DDX10: variants seen among roughly 807,000 people sequenced by gnomAD.
DDX10 encodes the protein probable ATP-dependent RNA helicase DDX10.
Under a neutral mutation model 104.3 loss-of-function variants are expected in DDX10, and 74 were observed. The ratio of observed to expected loss-of-function variants is 0.71; its 90% CI spans 0.59 to 0.86. The LOEUF (loss-of-function observed/expected upper bound fraction) is 0.86, where lower values mean the gene tolerates loss of function less well. Among genes scored for constraint, DDX10 ranks in the 40% least tolerant of loss-of-function variants. DDX10 has a pLI of 0.00. For synonymous variants in DDX10, 351 were observed against 353.4 expected (o/e 0.99, Z 0.08); for missense variants, 952 against 1,040.0 (o/e 0.92, Z 1.16).
chr11:108,765,453 G>C (rs2094355353), intron 13 of DDX10, among the ~76,000 whole-genome samples: 1 of 152,178 alleles, frequency 6.6e-6, no homozygotes, highest in South Asian at 2.1e-4. Flanking sequence ...GATGACAAGA[G>C]ACTATTAGTT....
chr11:108,837,607 CTTTTTTTTTTTTTTTTTTTTT>C (rs142381520), intron 13 of DDX10, among the ~76,000 whole-genome samples: 4 of 34,724 alleles, frequency 1.2e-4, no homozygotes, highest in Admixed American at 8.3e-4. Flanking sequence ...TTGGATACAG[CTTTTTTTTTTTTTTTTTTTTT>C]TTTTTTTTTT....
Position 108,679,574 on chromosome 11 carries a change from G to A in DDX10, c.848+14G>A, listed in dbSNP as rs780523495. The A allele has an allele frequency of 5.4e-5, 83 of 1,534,656 alleles. No homozygotes were observed. The highest frequency in any genetic ancestry group is 7.2e-5 in the Non-Finnish European group (82 of 1,139,910). On this transcript the variant is annotated intron_variant, in intron 6 of 17. Coordinates refer to ENST00000322536, the MANE Select transcript of DDX10 (RefSeq NM_004398.4). ...AGCAAAATATAGGTATGTACTCTTT[G>A]AGTCAATCAAGATAAATGTTTTTTA...
At chr11:108,709,589 T>C (rs1220265367) in intron 10 of DDX10, among the ~76,000 whole-genome samples, 3 of 152,232 alleles carry the variant, frequency 2.0e-5, no homozygotes, top group African/African-American at 7.2e-5. Flanking sequence ...TCATAATCTT[T>C]TTATCCTTTT....
intron 10 of DDX10, among the ~76,000 whole-genome samples, chr11:108,708,122 A>C (rs1173423007): frequency 6.6e-6 from 1 of 151,294 alleles, no homozygotes; most frequent in Non-Finnish European, 1.5e-5. Flanking sequence ...AATTAATGAG[A>C]GTTCCTGTTG....
At chr11:108,741,038 C>T (rs1224064202) in intron 13 of DDX10, among the ~76,000 whole-genome samples, 1 of 152,176 alleles carries the variant, frequency 6.6e-6, no homozygotes, top group Admixed American at 6.5e-5. Flanking sequence ...CCAGTTATCT[C>T]AGTACCATTT....
At chr11:108,702,195 A>T (rs2094269299) in intron 9 of DDX10, among the ~76,000 whole-genome samples, 1 of 152,182 alleles carries the variant, frequency 6.6e-6, no homozygotes, top group Non-Finnish European at 1.5e-5. Flanking sequence ...TTTTTAAAAA[A>T]CTTATTTTTA....
intron 13 of DDX10, among the ~76,000 whole-genome samples, chr11:108,748,127 C>T (rs945737268): frequency 6.6e-6 from 1 of 152,068 alleles, no homozygotes; most frequent in Non-Finnish European, 1.5e-5. Context: ...AAAACTGGCA[C>T]AGGGTGGATT....
intron 16 of DDX10, among the ~76,000 whole-genome samples, chr11:108,877,045 A>C (rs2134628652): frequency 6.6e-6 from 1 of 152,324 alleles, no homozygotes; most frequent in South Asian, 2.1e-4. Context: ...AGAGAACAAA[A>C]GGCCAAAGCT....
At chr11:108,910,791 CTGTGTG>C (rs1863665122) in intron 16 of DDX10, among the ~76,000 whole-genome samples, 1 of 95,386 alleles carries the variant, frequency 1.0e-5, no homozygotes, top group African/African-American at 4.2e-5. Flanking sequence ...GTGTGTGTGT[CTGTGTG>C]TGTCTGTGTC....
chr11:108,676,027 T>C (rs1381671706), intron 3 of DDX10, among the ~76,000 whole-genome samples: 1 of 152,174 alleles, frequency 6.6e-6, no homozygotes, highest in East Asian at 1.9e-4. Context: ...CAGGTTAAAG[T>C]GGTTCTGTGC....
chr11:108,757,299 G>A (rs1298693151), intron 13 of DDX10, among the ~76,000 whole-genome samples: 1 of 151,898 alleles, frequency 6.6e-6, no homozygotes, highest in Non-Finnish European at 1.5e-5. Flanking sequence ...ACCAACTTTT[G>A]TGTATCTGTC....
At chr11:108,916,088 C>T (rs1863747038) in intron 16 of DDX10, among the ~76,000 whole-genome samples, 1 of 151,272 alleles carries the variant, frequency 6.6e-6, no homozygotes, top group Admixed American at 6.6e-5. Context: ...GTCAGTAGAT[C>T]TTCCCCATGT....
intron 14 of DDX10, among the ~76,000 whole-genome samples, chr11:108,840,445 T>A (rs1387770676): frequency 6.6e-6 from 1 of 152,230 alleles, no homozygotes; most frequent in Non-Finnish European, 1.5e-5. Context: ...CTGAATTGTC[T>A]ATAGAGTTTT....
chr11:108,768,120 T>A (rs1215880137), intron 13 of DDX10: 1 of 152,260 alleles, frequency 6.6e-6, no homozygotes, highest in African/African-American at 2.4e-5. Flanking sequence ...ATCAACAGTT[T>A]ATGTTATTGA....
chr11:108,696,369 G>A (rs967972294), intron 9 of DDX10, among the ~76,000 whole-genome samples: 12 of 152,058 alleles, frequency 7.9e-5, no homozygotes, highest in Non-Finnish European at 8.8e-5. Flanking sequence ...TAGAGATGGC[G>A]TTTCACCATG....
chr11:108,917,359 T>C (rs1863764384), intron 16 of DDX10, among the ~76,000 whole-genome samples: 1 of 152,116 alleles, frequency 6.6e-6, no homozygotes, highest in South Asian at 2.1e-4. Flanking sequence ...CTTACATGTG[T>C]GGACAGGATC....
chr11:108,766,365 G>A (rs376070292), intron 13 of DDX10, among the ~76,000 whole-genome samples: 13 of 152,248 alleles, frequency 8.5e-5, no homozygotes, highest in East Asian at 7.7e-4. Context: ...ATAAGGTAGC[G>A]CAGGATTTTT....
At chr11:108,760,753 A>G (rs568303594) in intron 13 of DDX10, among the ~76,000 whole-genome samples, 10 of 151,616 alleles carry the variant, frequency 6.6e-5, no homozygotes, top group East Asian at 5.8e-4. Context: ...TTGTATCTCA[A>G]TAACTTAGAG....
At chr11:108,934,055 C>T (rs1485816100) in intron 17 of DDX10, among the ~76,000 whole-genome samples, 2 of 152,088 alleles carry the variant, frequency 1.3e-5, no homozygotes, top group African/African-American at 4.8e-5. Context: ...AGAGATGGTG[C>T]GATGGAAGTG....
Sources: gnomAD v4.1 joint callset for allele counts (sites outside exome capture counted in the v4.1 genomes callset) on GRCh38, gnomAD v4.1.1 for gene constraint, MANE v1.5 for transcripts, NCBI Gene and HGNC (gene_info 2026-07-23, HGNC 2026-07-21) for gene names.